Variants in TRPC3 observed in about 807,000 individuals in gnomAD.
TRPC3 encodes transient receptor potential cation channel subfamily C member 3.
Under a neutral mutation model 90.9 loss-of-function variants are expected in TRPC3, and 54 were observed. The observed-to-expected ratio is 0.59, with a 90% CI of 0.48 to 0.75. TRPC3 has a LOEUF of 0.75. Among genes scored for constraint, TRPC3 ranks in the 30% least tolerant of loss-of-function variants. The pLI is 0.00. For missense variants in TRPC3, 918 were observed against 1,194.5 expected, an observed-to-expected ratio of 0.77 and a Z score of 3.41; for synonymous variants, 424 against 450.9, an observed-to-expected ratio of 0.94 and a Z score of 0.75.
chr4:121,951,585 C>T lies in TRPC3; in HGVS notation c.96G>A (p.Glu32=). Residue 32 remains glutamate (E), a synonymous_variant, in exon 1 of 12, where the codon GAG becomes GAA. Coordinates refer to ENST00000379645, the MANE Select transcript of TRPC3 (RefSeq NM_001130698.2). This position sits in a 1 kb window ranked among gnomAD's most constrained non-coding sequence, Gnocchi z 4.4. ...TCCAGCCCCGGCGGCGGCGCTGCGGCTCCGCGCCCTCGTCCTCGCCCTCGT... is the reference window on the plus strand; with the variant it reads ...TCCAGCCCCGGCGGCGGCGCTGCGGTTCCGCGCCCTCGTCCTCGCCCTCGT... The part of the protein sequence containing the change: ...EEDEGEDEGA[E]PQRRRRGWRG... 6.9e-7 allele frequency: 1 copy of T among 1,454,496 alleles called. No individual in the cohort carries two copies. The highest frequency in any genetic ancestry group is 9.1e-7 in the Non-Finnish European group (1 of 1,099,324). The allele number at this position is 1,454,496 out of a possible 1,614,324, so 90.1% of individuals were successfully genotyped here.
In TRPC3 at chr4:121,878,999, G is replaced by A. The variant is rs200627304; in HGVS notation, c.*737C>T. 3.9e-5 allele frequency: 6 copies of A among 152,194 alleles called. No homozygotes were observed. The highest frequency in any genetic ancestry group is 2.1e-4 in the South Asian group (1 of 4,824). 9.4% of individuals were successfully genotyped at this position (152,194 alleles called of 1,614,324 possible). ...ATCACATTACTGAAAAACAACAAAC[G>A]TAAGTCTAAGACAGAAAGCAAGCAG... On this transcript the variant is annotated 3_prime_UTR_variant, in exon 12 of 12. Transcript: ENST00000379645.
chr4:121,914,478 A>G (rs191787487), intron 4 of TRPC3, among the ~76,000 whole-genome samples: 186 of 152,366 alleles, frequency 1.2e-3, no homozygotes, highest in African/African-American at 4.3e-3. Context: ...TAAGCCGTCA[A>G]TAAAATCAGT....
Position 121,907,423 on chromosome 4 carries a change from G to T in TRPC3, c.1937C>A (p.Thr646Asn). The T allele has an allele frequency of 1.2e-6, 2 of 1,613,482 alleles. No homozygotes were observed. Among genetic ancestry groups the T allele is most frequent in the Non-Finnish European group, 1.7e-6 (2 of 1,179,596 alleles). ...CATGAACTTGAATATGTCCTTTACAGTCCTTCCAAGAGAGATCTGCAGGGG... is the reference window on the plus strand; with the variant it reads ...CATGAACTTGAATATGTCCTTTACATTCCTTCCAAGAGAGATCTGCAGGGG... ...FGPLQISLGR[T>N]VKDIFKFMVL... Residue 646 changes from threonine to asparagine, a missense_variant, in exon 7 of 12, where the codon ACT becomes AAT. Physicochemically the swap from Thr to Asn is moderately conservative, Grantham distance 65. This residue lies in a region of TRPC3 where 147 missense variants were observed against 263.5 expected (regional missense o/e 0.56). Transcript: ENST00000379645.
At chr4:121,925,944 A>G (rs1353394404) in intron 2 of TRPC3, among the ~76,000 whole-genome samples, 2 of 152,232 alleles carry the variant, frequency 1.3e-5, no homozygotes, top group African/African-American at 4.8e-5. Context: ...AAACAAGACC[A>G]TTTCTACATT....
intron 1 of TRPC3, among the ~76,000 whole-genome samples, chr4:121,935,419 GGTGTGT>G (rs34252770): frequency 8.6e-4 from 126 of 147,168 alleles, no homozygotes; most frequent in East Asian, 2.6e-3. Context: ...ACATGTGTGG[GGTGTGT>G]GTGTGTGTGT....
intron 1 of TRPC3, among the ~76,000 whole-genome samples, chr4:121,949,817 C>G (rs531566812): frequency 6.6e-6 from 1 of 152,130 alleles, no homozygotes; most frequent in Admixed American, 6.5e-5. Flanking sequence ...AGACAGCAAG[C>G]CTACAATAGA....
chr4:121,885,170 T>C (rs1259877046), intron 10 of TRPC3, among the ~76,000 whole-genome samples: 1 of 152,176 alleles, frequency 6.6e-6, no homozygotes, highest in Non-Finnish European at 1.5e-5. Flanking sequence ...TACCTGGTAA[T>C]AGTCCATCCC....
At chr4:121,919,830 A>G (rs974534426) in intron 3 of TRPC3, among the ~76,000 whole-genome samples, 1 of 152,216 alleles carries the variant, frequency 6.6e-6, no homozygotes, top group African/African-American at 2.4e-5. Context: ...TCTTTCTGAG[A>G]GCCCAGTTTT....
At chr4:121,929,808 T>C (rs1265626235) in intron 2 of TRPC3, among the ~76,000 whole-genome samples, 1 of 151,870 alleles carries the variant, frequency 6.6e-6, no homozygotes, top group Non-Finnish European at 1.5e-5. Context: ...ATTGATAAGA[T>C]AAAATAAATA....
At chr4:121,900,158 T>A (rs1728653962) in intron 9 of TRPC3, among the ~76,000 whole-genome samples, 1 of 152,216 alleles carries the variant, frequency 6.6e-6, no homozygotes, top group Admixed American at 6.5e-5. Context: ...AAATAACACA[T>A]CTTCCAAAGC....
rs2149128186 is a variant in TRPC3 at position 121,914,950 on chromosome 4, G to A, written c.1177-6C>T. The A allele has an allele frequency of 6.3e-7, 1 of 1,589,024 alleles. No individual in the cohort carries two copies. Among genetic ancestry groups the A allele is most frequent in the Middle Eastern group, 1.7e-4 (1 of 5,964 alleles). On this transcript the variant is annotated splice_polypyrimidine_tract_variant and splice_region_variant and intron_variant, in intron 3 of 11. Transcript: ENST00000379645. ...CAGTTGGGATGAGCCACAAACTATT[G>A]GGAGAGAGAGAGTTTGAGAAGGGGA...
At chr4:121,923,439 T>C (rs1175176365) in intron 3 of TRPC3, among the ~76,000 whole-genome samples, 2 of 152,182 alleles carry the variant, frequency 1.3e-5, no homozygotes, top group Non-Finnish European at 2.9e-5. Flanking sequence ...AGGACTTGAT[T>C]CAGTACAAGG....
intron 1 of TRPC3, among the ~76,000 whole-genome samples, chr4:121,945,682 G>A (rs555778606): frequency 6.4e-4 from 98 of 152,282 alleles, no homozygotes; most frequent in African/African-American, 2.0e-3. Context: ...CCTGCTAATT[G>A]ATATGGTTAA....
chr4:121,922,250 A>G (rs1425985527), intron 3 of TRPC3, among the ~76,000 whole-genome samples: 2 of 152,128 alleles, frequency 1.3e-5, no homozygotes, highest in Non-Finnish European at 2.9e-5. Flanking sequence ...AGGAAGAAAG[A>G]AAGGAGAAAT....
At chr4:121,926,732 C>G (rs1358656603) in intron 2 of TRPC3, among the ~76,000 whole-genome samples, 3 of 152,200 alleles carry the variant, frequency 2.0e-5, no homozygotes, top group Non-Finnish European at 4.4e-5. Flanking sequence ...GAACCTCTCT[C>G]TCTGTTATTT....
intron 1 of TRPC3, among the ~76,000 whole-genome samples, chr4:121,944,708 C>G (rs976264291): frequency 1.3e-5 from 2 of 152,146 alleles, no homozygotes; most frequent in African/African-American, 4.8e-5. Flanking sequence ...TTTCCCCTTA[C>G]TCTTAGACCT....
rs41278087 is a variant in TRPC3, at chr4:121,879,832, T to C, written c.2670A>G (p.Glu890=). 46,305 of 1,607,222 alleles carry C rather than the reference T, an allele frequency of 0.029. 868 individuals are homozygous for C. Among genetic ancestry groups the C allele is most frequent in the Non-Finnish European group, 0.034 (39,637 of 1,177,796 alleles). Residue 890 remains glutamate, a synonymous_variant, in exon 12 of 12, where the codon GAA becomes GAG. Coordinates refer to ENST00000379645, the MANE Select transcript of TRPC3 (RefSeq NM_001130698.2). Reference sequence around the variant, plus strand: ...TTGCTTGGCTCTTGTCTTCCAAAAGTTCATAACGAAGGCTGGAGATATCTT... The same window carrying C: ...TTGCTTGGCTCTTGTCTTCCAAAAGCTCATAACGAAGGCTGGAGATATCTT... ...IKQDISSLRY[E]LLEDKSQATE...
At chr4:121,912,570 A>G (rs1163812037) in intron 4 of TRPC3, among the ~76,000 whole-genome samples, 1 of 152,194 alleles carries the variant, frequency 6.6e-6, no homozygotes, top group Admixed American at 6.5e-5. Context: ...ACAGAAGTAA[A>G]TTTTAGTTCT....
intron 1 of TRPC3, among the ~76,000 whole-genome samples, chr4:121,938,711 G>A (rs566619632): frequency 6.6e-6 from 1 of 152,146 alleles, no homozygotes; most frequent in African/African-American, 2.4e-5. Context: ...CGAAGAACTG[G>A]GATTCAACCT....
Sources: allele counts gnomAD v4.1 joint callset (sites outside exome capture counted in the v4.1 genomes callset), GRCh38; gene constraint gnomAD v4.1.1; regional missense constraint gnomAD v4.1.1; non-coding constraint Gnocchi (gnomAD v3.1); transcripts MANE v1.5; gene names NCBI Gene and HGNC (gene_info 2026-07-23, HGNC 2026-07-21).